The following SYT2 variants were observed in gnomAD, a reference collection of about 807,000 sequenced individuals.
The protein encoded by SYT2 is synaptotagmin 2.
In SYT2, 15 loss-of-function variants were observed where a neutral mutation model predicts 39.9. That is an observed-to-expected ratio of 0.38 (90% CI 0.25 to 0.58). The LOEUF is 0.58. Among genes scored for constraint, SYT2 ranks in the 20% least tolerant of loss-of-function variants. SYT2 has a pLI of 0.70. For synonymous variants in SYT2, 181 were observed against 204.5 expected, an observed-to-expected ratio of 0.89 and a Z score of 0.98; for missense variants, 389 against 530.3, an observed-to-expected ratio of 0.73 and a Z score of 2.62.
chr1:202,684,728 G>A (rs1281070299), intron 1 of SYT2, among the ~76,000 whole-genome samples: 3 of 152,100 alleles, frequency 2.0e-5, no homozygotes, highest in Non-Finnish European at 4.4e-5. Context: ...TGGTTAGTGA[G>A]TTACTTCCTT....
intron 1 of SYT2, among the ~76,000 whole-genome samples, chr1:202,674,667 C>G (rs1653300472): frequency 1.3e-5 from 2 of 152,146 alleles, no homozygotes; most frequent in African/African-American, 2.4e-5. Flanking sequence ...CAAATCATCT[C>G]TCCTCAGCTT....
At chr1:202,669,426 T>TG (rs1692541059) in intron 1 of SYT2, among the ~76,000 whole-genome samples, 1 of 151,430 alleles carries the variant, frequency 6.6e-6, no homozygotes, top group Non-Finnish European at 1.5e-5. Flanking sequence ...CCGAGGCGGG[T>TG]GGATCATGAA....
At chr1:202,648,037 C>A (rs1221024287) in intron 1 of SYT2, among the ~76,000 whole-genome samples, 1 of 152,194 alleles carries the variant, frequency 6.6e-6, no homozygotes, top group Non-Finnish European at 1.5e-5. Flanking sequence ...GGTCAAGGCA[C>A]TTCACACCCT....
In SYT2 at chr1:202,614,917, A is replaced by G. The variant is rs908887240; in HGVS notation, c.-17-9128T>C. Among the ~76,000 whole-genome samples, 12 of 152,284 alleles carry G rather than the reference A, an allele frequency of 7.9e-5. No homozygotes were observed. In the South Asian group the frequency reaches 1.4e-3, roughly 18 times the overall value. ...TCAAGGAGTTTTGTCTTTCCCAAAG[A>G]GGAATGAGAAGCTGTGGGAGGCCTT... On this transcript the variant is annotated intron_variant, in intron 1 of 8. Transcript: ENST00000367268. This position sits in a 1 kb window ranked among gnomAD's most constrained non-coding sequence, Gnocchi z 4.0.
rs1396698526 is a variant in SYT2, at chr1:202,628,171, G to A, written c.-17-22382C>T. 4.6e-5 allele frequency among the ~76,000 whole-genome samples: 7 copies of A among 152,230 alleles called. No homozygotes were observed. Among genetic ancestry groups the A allele is most frequent in the African/African-American group, 1.7e-4 (7 of 41,458 alleles). ...TTTCATTTCATCCGGGCCTTGTGAGGTGGGGACTGTGATTCCCATTTTGTA... is the reference window on the plus strand; with the variant it reads ...TTTCATTTCATCCGGGCCTTGTGAGATGGGGACTGTGATTCCCATTTTGTA... On this transcript the variant is annotated intron_variant, in intron 1 of 8. Coordinates refer to ENST00000367268, the MANE Select transcript of SYT2 (RefSeq NM_177402.5). The surrounding 1 kb of genome is among the most constrained non-coding windows in gnomAD (Gnocchi z 4.2).
intron 1 of SYT2, among the ~76,000 whole-genome samples, chr1:202,656,126 G>GCACA (rs10579829): frequency 2.7e-5 from 4 of 150,182 alleles, no homozygotes; most frequent in South Asian, 4.2e-4. Context: ...GCTTTGGAAC[G>GCACA]CACACACACA....
intron 1 of SYT2, among the ~76,000 whole-genome samples, chr1:202,689,560 T>C (rs1412995843): frequency 6.6e-6 from 1 of 152,116 alleles, no homozygotes; most frequent in Non-Finnish European, 1.5e-5. Context: ...TCACTAGCCG[T>C]GTGACCTCAG....
Position 202,591,672 on chromosome 1 carries a change from G to C in SYT2, c.*5085C>G, listed in dbSNP as rs553226511. 3.5e-4 allele frequency: 54 copies of C among 152,906 alleles called. No homozygotes were observed. The highest frequency in any genetic ancestry group is 1.2e-3 in the African/African-American group (49 of 41,560). 9.5% of individuals were successfully genotyped at this position (152,906 alleles called of 1,614,324 possible). ...CTGCAGGAGGATGCACGAGGGAAGA[G>C]CGTCAGCCCCTGTATTCACCGGCCT... On this transcript the variant is annotated 3_prime_UTR_variant, in exon 9 of 9. Coordinates refer to ENST00000367268, the MANE Select transcript of SYT2 (RefSeq NM_177402.5).
chr1:202,657,492 G>A (rs1366528660), intron 1 of SYT2, among the ~76,000 whole-genome samples: 2 of 152,204 alleles, frequency 1.3e-5, no homozygotes, highest in Non-Finnish European at 2.9e-5. Context: ...CTACCACAAG[G>A]CTCTGGGAGA....
intron 1 of SYT2, among the ~76,000 whole-genome samples, chr1:202,668,052 C>A (rs962504271): frequency 1.3e-5 from 2 of 152,172 alleles, no homozygotes; most frequent in Non-Finnish European, 2.9e-5. Flanking sequence ...ACCATCAAAG[C>A]CTATGCAGCA....
intron 1 of SYT2, among the ~76,000 whole-genome samples, chr1:202,644,466 C>T (rs998400262): frequency 1.6e-4 from 25 of 152,284 alleles, no homozygotes; most frequent in African/African-American, 6.0e-4. Context: ...CAACCCCCAA[C>T]CTCACCCGAT....
intron 1 of SYT2, among the ~76,000 whole-genome samples, chr1:202,672,362 G>A (rs1444520771): frequency 6.6e-6 from 1 of 152,104 alleles, no homozygotes; most frequent in Admixed American, 6.5e-5. Flanking sequence ...ATGGGAAGAG[G>A]ATGTAGCCAG....
chr1:202,677,724 A>G (rs1174301309), intron 1 of SYT2, among the ~76,000 whole-genome samples: 3 of 152,212 alleles, frequency 2.0e-5, no homozygotes, highest in Admixed American at 1.3e-4. Context: ...GTGGTTTATT[A>G]TAAGGTGTTT....
intron 1 of SYT2, among the ~76,000 whole-genome samples, chr1:202,704,320 G>A (rs1160855853): frequency 1.3e-5 from 2 of 152,186 alleles, no homozygotes; most frequent in African/African-American, 4.8e-5. Flanking sequence ...TGGCCTTGGG[G>A]AGCGCCCAGG....
intron 1 of SYT2, among the ~76,000 whole-genome samples, chr1:202,640,233 C>T (rs1025952584): frequency 2.6e-5 from 4 of 150,948 alleles, no homozygotes; most frequent in Admixed American, 1.3e-4. Context: ...CTCCAACAAA[C>T]CTCCCACCCC....
chr1:202,612,407 ACC>A (rs1242559715), intron 1 of SYT2, among the ~76,000 whole-genome samples: 1 of 152,026 alleles, frequency 6.6e-6, no homozygotes, highest in Non-Finnish European at 1.5e-5. Flanking sequence ...TCACTCTGTC[ACC>A]CAGGCTGGAG....
Position 202,670,156 on chromosome 1 carries a change from T to C in SYT2, c.-18+40102A>G, listed in dbSNP as rs116593731. ...GGTCCTAAGAGAGGCGTTTTCAGTG[T>C]TTAGGGCAATGCAGGAATGTTAGAA... is the stretch of plus-strand genomic sequence containing the variant. On this transcript the variant is annotated intron_variant, in intron 1 of 8. Transcript: ENST00000367268. 2.8e-3 allele frequency among the ~76,000 whole-genome samples: 433 copies of C among 152,222 alleles called. 3 individuals are homozygous for C. Among genetic ancestry groups the C allele is most frequent in the African/African-American group, 0.01 (417 of 41,536 alleles).
At chr1:202,645,869 GC>G (rs1692070996) in intron 1 of SYT2, among the ~76,000 whole-genome samples, 1 of 152,168 alleles carries the variant, frequency 6.6e-6, no homozygotes, top group South Asian at 2.1e-4. Flanking sequence ...TTCACTCAGA[GC>G]CCCCTCAGGC....
At chr1:202,643,918 T>TA (rs1417535845) in intron 1 of SYT2, among the ~76,000 whole-genome samples, 1 of 152,034 alleles carries the variant, frequency 6.6e-6, no homozygotes, top group Non-Finnish European at 1.5e-5. Flanking sequence ...TTCGGGGGAT[T>TA]AGCTGGGGGA....
Sources: gnomAD v4.1 joint callset for allele counts (sites outside exome capture counted in the v4.1 genomes callset) on GRCh38, gnomAD v4.1.1 for gene constraint, Gnocchi (gnomAD v3.1) non-coding constraint, MANE v1.5 for transcripts, NCBI Gene and HGNC (gene_info 2026-07-23, HGNC 2026-07-21) for gene names.